Variants in MARCHF1 observed in about 807,000 individuals in gnomAD.
MARCHF1 encodes the protein E3 ubiquitin-protein ligase MARCHF1.
A neutral mutation model predicts 54.2 loss-of-function variants in MARCHF1; 40 were observed. That is an observed-to-expected ratio of 0.74 (90% CI 0.57 to 0.96). MARCHF1 has a LOEUF of 0.96. Ranked by LOEUF, MARCHF1 falls within the 40% of genes least tolerant of loss-of-function variation. The probability of loss-of-function intolerance (pLI) is 0.00; values close to 1 mark genes in which losing one functional copy is unlikely to be tolerated. For synonymous variants in MARCHF1, 236 were observed against 236.3 expected (o/e 1.00, Z 0.01); for missense variants, 586 against 656.5 (o/e 0.89, Z 1.17).
At chr4:164,271,792 A>G (rs2111309807) in intron 1 of MARCHF1, among the ~76,000 whole-genome samples, 1 of 152,290 alleles carries the variant, frequency 6.6e-6, no homozygotes, top group South Asian at 2.1e-4. Flanking sequence ...ACAAACATTA[A>G]GGAAGAAAAG....
chr4:164,081,762 C>T (rs1755106455), intron 2 of MARCHF1, among the ~76,000 whole-genome samples: 1 of 152,040 alleles, frequency 6.6e-6, no homozygotes, highest in Admixed American at 6.5e-5. Context: ...ATACAGAAAC[C>T]AGATCATTGG....
At chr4:164,136,547 G>T (rs762215647) in intron 1 of MARCHF1, among the ~76,000 whole-genome samples, 1 of 152,186 alleles carries the variant, frequency 6.6e-6, no homozygotes, top group Non-Finnish European at 1.5e-5. Context: ...GCAGGGAAGA[G>T]AGTGGAGTAC....
At chr4:164,101,940 C>A (rs896657460) in intron 2 of MARCHF1, among the ~76,000 whole-genome samples, 27 of 148,098 alleles carry the variant, frequency 1.8e-4, no homozygotes, top group Non-Finnish European at 3.6e-4. Context: ...GAGCTGAAAA[C>A]CAAGGCTCGA....
At chr4:164,141,120 C>A (rs1756523258) in intron 1 of MARCHF1, among the ~76,000 whole-genome samples, 1 of 152,180 alleles carries the variant, frequency 6.6e-6, no homozygotes, top group Admixed American at 6.5e-5. Context: ...AAAGAGAAAA[C>A]TGGGGAGAAC....
intron 1 of MARCHF1, among the ~76,000 whole-genome samples, chr4:164,136,933 C>G (rs1436654260): frequency 2.6e-5 from 4 of 152,094 alleles, no homozygotes; most frequent in African/African-American, 9.7e-5. Flanking sequence ...AAAATTACAC[C>G]ATTTCAAAGC....
chr4:164,211,591 T>C (rs1175906137), intron 1 of MARCHF1, among the ~76,000 whole-genome samples: 2 of 151,994 alleles, frequency 1.3e-5, no homozygotes, highest in East Asian at 3.9e-4. Context: ...TCAACAAATA[T>C]GTATAGAGTG....
intron 1 of MARCHF1, among the ~76,000 whole-genome samples, chr4:164,229,324 C>G (rs966047055): frequency 6.6e-6 from 1 of 152,196 alleles, no homozygotes; most frequent in African/African-American, 2.4e-5. Flanking sequence ...TGTGTGCTCT[C>G]TCTTTGGATC....
chr4:163,733,638 A>T (rs1745948124), intron 4 of MARCHF1, among the ~76,000 whole-genome samples: 2 of 151,852 alleles, frequency 1.3e-5, no homozygotes, highest in African/African-American at 4.8e-5. Context: ...CCGGAGTGTG[A>T]TAGCCTTCAT....
At chr4:164,224,741 A>G (rs2083993725) in intron 1 of MARCHF1, among the ~76,000 whole-genome samples, 1 of 152,086 alleles carries the variant, frequency 6.6e-6, no homozygotes, top group Non-Finnish European at 1.5e-5. Context: ...ATATTTTAAT[A>G]TAGTGCAATT....
chr4:163,829,402 T>C (rs1342946486), intron 4 of MARCHF1, among the ~76,000 whole-genome samples: 1 of 152,182 alleles, frequency 6.6e-6, no homozygotes, highest in Non-Finnish European at 1.5e-5. Context: ...TTGACTATCA[T>C]CTCATAAAAC....
chr4:164,224,991 T>C (rs1011137564), intron 1 of MARCHF1, among the ~76,000 whole-genome samples: 2 of 152,052 alleles, frequency 1.3e-5, no homozygotes, highest in Admixed American at 1.3e-4. Context: ...GCATGCATTC[T>C]TCAGGGCTGG....
At chr4:164,302,491 A>G (rs1271839233) in intron 1 of MARCHF1, among the ~76,000 whole-genome samples, 1 of 152,108 alleles carries the variant, frequency 6.6e-6, no homozygotes, top group African/African-American at 2.4e-5. Flanking sequence ...TCATGACTAA[A>G]AGGTTGAGAA....
Position 163,949,539 on chromosome 4 carries a change from G to A in MARCHF1, c.-39+38962C>T, listed in dbSNP as rs138982349. 1.0e-3 allele frequency among the ~76,000 whole-genome samples: 156 copies of A among 152,346 alleles called. 1 individual carries two copies. The highest frequency in any genetic ancestry group is 3.0e-3 in the African/African-American group (124 of 41,580). On this transcript the variant is annotated intron_variant, in intron 3 of 9. Transcript: ENST00000514618. ...TTTCAGCCCTGCCATTCAGCGGGTC[G>A]CAAGTTCTTGTCTTGTGTCCAGAAA...
chr4:163,731,736 T>A (rs981451266), intron 4 of MARCHF1, among the ~76,000 whole-genome samples: 1 of 152,152 alleles, frequency 6.6e-6, no homozygotes, highest in Admixed American at 6.5e-5. Flanking sequence ...AGTAGACACA[T>A]TGTCTAGATA....
intron 8 of MARCHF1, among the ~76,000 whole-genome samples, chr4:163,554,702 GTTAGCAC>G (rs1320082986): frequency 6.6e-6 from 1 of 152,138 alleles, no homozygotes; most frequent in East Asian, 1.9e-4. Context: ...AGATAATCTA[GTTAGCAC>G]ATAGTAAACA....
chr4:164,241,833 G>A (rs1042941512), intron 1 of MARCHF1, among the ~76,000 whole-genome samples: 2 of 152,212 alleles, frequency 1.3e-5, no homozygotes, highest in Non-Finnish European at 2.9e-5. Flanking sequence ...AGAGGTCAGG[G>A]AGTTCCCTTT....
rs191913235 is a variant in MARCHF1, at chr4:164,136,906, G to C, written c.-322-25244C>G. On this transcript the variant is annotated intron_variant, in intron 1 of 9. Transcript: ENST00000514618. The stretch of plus-strand genomic sequence containing the variant: ...AGGAAGAATGCGGTTTTGTGACATG[G>C]GGGTAGATATATCAAAAAAATTACA... Among the ~76,000 whole-genome samples the C allele has an allele frequency of 8.5e-5, 13 of 152,268 alleles. 1 individual carries two copies. The highest frequency in any genetic ancestry group is 8.5e-4 in the Admixed American group (13 of 15,298).
At chr4:164,101,775 C>G (rs975280182) in intron 2 of MARCHF1, among the ~76,000 whole-genome samples, 25 of 148,580 alleles carry the variant, frequency 1.7e-4, no homozygotes, top group African/African-American at 5.6e-4. Flanking sequence ...ATGACTTTGA[C>G]GAGCTGAGAG....
chr4:163,788,670 T>C (rs1405738564), intron 4 of MARCHF1, among the ~76,000 whole-genome samples: 1 of 152,038 alleles, frequency 6.6e-6, no homozygotes, highest in Non-Finnish European at 1.5e-5. Context: ...CCTTTCTCAC[T>C]GCATCATATC....
Sources: gnomAD v4.1 joint callset for allele counts (sites outside exome capture counted in the v4.1 genomes callset) on GRCh38, gnomAD v4.1.1 for gene constraint, MANE v1.5 for transcripts, NCBI Gene and HGNC (gene_info 2026-07-23, HGNC 2026-07-21) for gene names.